The following WDR49 variants were observed in gnomAD, a reference collection of about 807,000 sequenced individuals.
WDR49 encodes the protein cilia- and flagella-associated protein 337.
A neutral mutation model predicts 119.5 loss-of-function variants in WDR49; 107 were observed. The ratio of observed to expected loss-of-function variants is 0.90; its 90% CI spans 0.77 to 1.05. The LOEUF is 1.05. WDR49 is among the 50% of genes least tolerant of loss of function. WDR49 has a pLI of 0.00. For synonymous variants in WDR49, 425 were observed against 418.8 expected, an observed-to-expected ratio of 1.01 and a Z score of -0.18; for missense variants, 1,240 against 1,220.5, an observed-to-expected ratio of 1.02 and a Z score of -0.24.
chr3:167,569,109 T>C (rs1713777547), intron 8 of WDR49, among the ~76,000 whole-genome samples: 1 of 152,078 alleles, frequency 6.6e-6, no homozygotes, highest in Non-Finnish European at 1.5e-5. Context: ...ACCTGGCTAA[T>C]TTTTTCGTAT....
intron 7 of WDR49, among the ~76,000 whole-genome samples, chr3:167,587,515 C>T (rs1343654021): frequency 2.0e-5 from 3 of 151,964 alleles, no homozygotes; most frequent in Admixed American, 6.6e-5. Flanking sequence ...AGACAGGGTC[C>T]CTCTCTGTCA....
In WDR49 at chr3:167,560,080, G is replaced by T; in HGVS notation, c.1658C>A (p.Thr553Lys). 6.2e-7 allele frequency: 1 copy of T among 1,614,078 alleles called. No individual in the cohort carries two copies. The highest frequency in any genetic ancestry group is 1.1e-5 in the South Asian group (1 of 91,086). The change falls in exon 9 of 19, where the codon ACA (threonine) becomes AAA (lysine). Residue 553 changes from threonine to lysine, a missense_variant. Coordinates refer to ENST00000682715, the MANE Select transcript of WDR49 (RefSeq NM_001366157.1). ...ANETRLLTGS[T>K]DGTVKIWDFN... ...TGTTCGCACCTTTACAGTCCCATCT[G>T]TGCTGCCAGTCAAAAGCCGAGTCTC...
At chr3:167,510,297 T>A (rs1351647611) in intron 16 of WDR49, among the ~76,000 whole-genome samples, 1 of 152,212 alleles carries the variant, frequency 6.6e-6, no homozygotes, top group Non-Finnish European at 1.5e-5. Flanking sequence ...GGAAATATTC[T>A]GAAACTGTAT....
At chr3:167,548,457 A>G (rs1327915523) in intron 10 of WDR49, among the ~76,000 whole-genome samples, 14 of 152,030 alleles carry the variant, frequency 9.2e-5, no homozygotes, top group African/African-American at 3.4e-4. Flanking sequence ...GGTAATCACT[A>G]TATGAGTGGA....
chr3:167,532,004 C>G (rs370243846), intron 12 of WDR49, among the ~76,000 whole-genome samples: 3 of 152,068 alleles, frequency 2.0e-5, no homozygotes, highest in Non-Finnish European at 2.9e-5. Context: ...GAATTCCAAC[C>G]TCCTCATGGC....
At chr3:167,498,266 G>A (rs1465003957) in intron 18 of WDR49, among the ~76,000 whole-genome samples, 1 of 152,160 alleles carries the variant, frequency 6.6e-6, no homozygotes, top group Non-Finnish European at 1.5e-5. Context: ...TCTGGAGGTT[G>A]GGCAATTGAG....
intron 15 of WDR49, among the ~76,000 whole-genome samples, chr3:167,526,671 G>A (rs7629724): frequency 0.01 from 1,581 of 152,150 alleles, 23 homozygotes; most frequent in African/African-American, 0.036. Flanking sequence ...TGAGACTGTC[G>A]TCTAGCCAAT....
rs748897787 is a variant in WDR49 at position 167,576,136 on chromosome 3, C to A, written c.1291G>T (p.Asp431Tyr). The A allele has an allele frequency of 1.2e-6, 2 of 1,613,760 alleles. No homozygotes were observed. Among genetic ancestry groups the A allele is most frequent in the Admixed American group, 3.3e-5 (2 of 59,982 alleles). ...FSKDKVLRLW[D>Y]IQHQLSIQRI... ...TGGATGGACAGCTGGTGTTGAATAT[C>A]CCAGAGTCTCAAAACCTGGATGAAA... Residue 431 changes from aspartate (D) to tyrosine (Y), a missense_variant, in exon 8 of 19, where the codon GAT (aspartate) becomes TAT (tyrosine). By Grantham distance (160) the Asp-to-Tyr change is radical. Transcript: ENST00000682715.
intron 10 of WDR49, among the ~76,000 whole-genome samples, chr3:167,552,191 T>C (rs1197053751): frequency 6.6e-6 from 1 of 152,040 alleles, no homozygotes; most frequent in Non-Finnish European, 1.5e-5. Flanking sequence ...AGAGGGAGCT[T>C]AGACACTCTG....
chr3:167,626,972 A>T lies in WDR49; in HGVS notation c.486T>A (p.Gly162=), dbSNP rs1459056856. The change falls in exon 3 of 19, where the codon GGT becomes GGA. Residue 162 remains glycine, a synonymous_variant. Coordinates refer to ENST00000682715, the MANE Select transcript of WDR49 (RefSeq NM_001366157.1). ...SSHYLTISKE[G]LLAIWGEHLK... ...AATGCTCTCCCCAGATTGCCAATAA[A>T]CCTTCTTTACTAATTGTCAGATAAT... 14 of 1,338,638 alleles carry T rather than the reference A, an allele frequency of 1.0e-5. No homozygotes were observed. The highest frequency in any genetic ancestry group is 1.2e-5 in the Non-Finnish European group (13 of 1,046,344). 82.9% of individuals were successfully genotyped at this position (1,338,638 alleles called of 1,614,324 possible). A position where few individuals can be genotyped will look rare whatever the true frequency, so the allele number is the denominator to read the frequency against.
At chr3:167,485,673 A>G (rs2108192097) in intron 18 of WDR49, among the ~76,000 whole-genome samples, 1 of 152,244 alleles carries the variant, frequency 6.6e-6, no homozygotes, top group African/African-American at 2.4e-5. Flanking sequence ...TCAGCACTCA[A>G]AGACTGGTTC....
At chr3:167,487,660 T>G (rs564940442) in intron 18 of WDR49, among the ~76,000 whole-genome samples, 1 of 151,804 alleles carries the variant, frequency 6.6e-6, no homozygotes, top group East Asian at 1.9e-4. Flanking sequence ...CAGCATCTAT[T>G]AAAAGAAAAA....
upstream of WDR49, among the ~76,000 whole-genome samples, chr3:167,657,129 C>T (rs1718623796): frequency 6.6e-6 from 1 of 152,072 alleles, no homozygotes; most frequent in African/African-American, 2.4e-5. Flanking sequence ...TATAGACCTT[C>T]CTTTTATATT....
rs754605796 is a variant in WDR49 at position 167,505,413 on chromosome 3, G to C, written c.2778C>G (p.Val926=). ...CTAAATTTATATCTTCTGATGGTCT[G>C]ACACTGGAAGAAAATATTTCATGAT... ...KKNKDDSTYN[V]RPSEDINLDI... Residue 926 remains valine (V), a synonymous_variant, in exon 17 of 19, where the codon GTC becomes GTG. Coordinates refer to ENST00000682715, the MANE Select transcript of WDR49 (RefSeq NM_001366157.1). 6 of 1,509,034 alleles carry C rather than the reference G, an allele frequency of 4.0e-6. No individual in the cohort carries two copies. The highest frequency in any genetic ancestry group is 2.5e-5 in the Admixed American group (1 of 40,236). 93.5% of individuals were successfully genotyped at this position (1,509,034 alleles called of 1,614,324 possible).
At chr3:167,559,329 C>A (rs1205657707) in intron 9 of WDR49, among the ~76,000 whole-genome samples, 1 of 152,154 alleles carries the variant, frequency 6.6e-6, no homozygotes, top group African/African-American at 2.4e-5. Flanking sequence ...TCTATTGCCT[C>A]AAAATGGCAC....
chr3:167,634,218 A>G (rs1207854391), intron 2 of WDR49, among the ~76,000 whole-genome samples: 1 of 151,944 alleles, frequency 6.6e-6, no homozygotes, highest in Non-Finnish European at 1.5e-5. Flanking sequence ...ATTAGTACTC[A>G]TGCCTCTGTT....
intron 2 of WDR49, among the ~76,000 whole-genome samples, chr3:167,641,920 G>C (rs1227906425): frequency 7.0e-6 from 1 of 143,808 alleles, no homozygotes; most frequent in Non-Finnish European, 1.5e-5. Context: ...ATGTTTATGT[G>C]AGAGAGAAAA....
At chr3:167,575,171 G>A (rs537166337) in intron 8 of WDR49, 9 of 985,296 alleles carry the variant, frequency 9.1e-6, no homozygotes, top group African/African-American at 1.7e-5. Context: ...CAGGCCTGAC[G>A]GGATCACTGC....
At chr3:167,596,870 T>TAATA (rs200934043) in intron 7 of WDR49, among the ~76,000 whole-genome samples, 7,284 of 141,294 alleles carry the variant, frequency 0.052, 328 homozygotes, top group African/African-American at 0.13. Flanking sequence ...TAAAGTATAA[T>TAATA]AATAAATAAA....
Sources: gnomAD v4.1 joint callset for allele counts (sites outside exome capture counted in the v4.1 genomes callset) on GRCh38, gnomAD v4.1.1 for gene constraint, MANE v1.5 for transcripts, NCBI Gene and HGNC (gene_info 2026-07-23, HGNC 2026-07-21) for gene names.